CSTF3: variants seen among roughly 807,000 people sequenced by gnomAD.
CSTF3 encodes the protein cleavage stimulation factor subunit 3, also known as CF-1 77 kDa subunit.
In CSTF3, 29 loss-of-function variants were observed where a neutral mutation model predicts 105.8. The observed-to-expected ratio is 0.27, with a 90% CI of 0.20 to 0.37. CSTF3 has a LOEUF of 0.37. Among genes scored for constraint, CSTF3 ranks in the 10% least tolerant of loss-of-function variants. The probability of loss-of-function intolerance (pLI) is 1.00; values close to 1 mark genes in which losing one functional copy is unlikely to be tolerated. For missense variants in CSTF3, 357 were observed against 879.3 expected, an observed-to-expected ratio of 0.41 and a Z score of 7.51; for synonymous variants, 252 against 281.9, an observed-to-expected ratio of 0.89 and a Z score of 1.06.
intron 3 of CSTF3, among the ~76,000 whole-genome samples, chr11:33,119,571 G>C (rs1487105860): frequency 6.6e-6 from 1 of 151,648 alleles, no homozygotes; most frequent in Non-Finnish European, 1.5e-5. Context: ...CACTCCTCTA[G>C]TTTTTACCTA....
At chr11:33,155,267 G>C (rs948821537) in intron 1 of CSTF3, among the ~76,000 whole-genome samples, 23 of 151,938 alleles carry the variant, frequency 1.5e-4, no homozygotes, top group African/African-American at 5.6e-4. Context: ...GGGAGGCTGA[G>C]GTAGGAGAAT....
chr11:33,140,227 A>G (rs1188694539), intron 3 of CSTF3, among the ~76,000 whole-genome samples: 2 of 152,088 alleles, frequency 1.3e-5, no homozygotes, highest in Admixed American at 6.6e-5. Flanking sequence ...AATACAAAGC[A>G]GCACGGGCTT....
At chr11:33,136,484 G>C (rs1390229176) in intron 3 of CSTF3, among the ~76,000 whole-genome samples, 1 of 151,914 alleles carries the variant, frequency 6.6e-6, no homozygotes, top group Non-Finnish European at 1.5e-5. Flanking sequence ...GAAGTGCCTT[G>C]AACCAGACTC....
At chr11:33,156,342 A>G (rs887596424) in intron 1 of CSTF3, among the ~76,000 whole-genome samples, 1 of 152,194 alleles carries the variant, frequency 6.6e-6, no homozygotes, top group Non-Finnish European at 1.5e-5. Context: ...ATGCACCTTG[A>G]CTAAAATTGG....
At chr11:33,160,540 C>G (rs967172422) in intron 1 of CSTF3, among the ~76,000 whole-genome samples, 1 of 152,192 alleles carries the variant, frequency 6.6e-6, no homozygotes, top group Non-Finnish European at 1.5e-5. Context: ...CTTCCTCTTT[C>G]ACACTAAAAG....
intron 1 of CSTF3, among the ~76,000 whole-genome samples, chr11:33,160,947 T>C (rs1849932799): frequency 6.6e-6 from 1 of 152,136 alleles, no homozygotes; most frequent in African/African-American, 2.4e-5. Flanking sequence ...CACTGTCAAG[T>C]TTTTCTAAAA....
intron 17 of CSTF3, among the ~76,000 whole-genome samples, chr11:33,090,252 C>A (rs1414100966): frequency 6.6e-6 from 1 of 152,142 alleles, no homozygotes; most frequent in Non-Finnish European, 1.5e-5. Flanking sequence ...TCCCTCCACA[C>A]TCCCTCCATC....
At chr11:33,115,831 T>C (rs1590271813) in intron 3 of CSTF3, among the ~76,000 whole-genome samples, 2 of 152,074 alleles carry the variant, frequency 1.3e-5, no homozygotes, top group African/African-American at 4.8e-5. Flanking sequence ...TCTCAGCATT[T>C]TGGGAGGCCG....
At chr11:33,086,857 A>C (rs777567566) in intron 18 of CSTF3, 131 bp downstream of exon 18, 29 of 1,029,290 alleles carry the variant, frequency 2.8e-5, no homozygotes, top group South Asian at 4.1e-5. Flanking sequence ...AAGCTAAATC[A>C]CTTGTCATAG....
intron 3 of CSTF3, among the ~76,000 whole-genome samples, chr11:33,121,854 T>C (rs1185545094): frequency 6.6e-6 from 1 of 152,198 alleles, no homozygotes; most frequent in Admixed American, 6.5e-5. Context: ...TGTCCATGAC[T>C]ACTATAACAG....
intron 1 of CSTF3, among the ~76,000 whole-genome samples, chr11:33,159,058 T>G (rs1251142615): frequency 6.6e-6 from 1 of 152,142 alleles, no homozygotes; most frequent in Non-Finnish European, 1.5e-5. Context: ...ACTATTTTCT[T>G]GGGTGGGGAA....
intron 1 of CSTF3, among the ~76,000 whole-genome samples, chr11:33,148,694 CA>C (rs368373668): frequency 2.7e-4 from 37 of 137,572 alleles, no homozygotes; most frequent in East Asian, 4.2e-4. Flanking sequence ...GACTCCATCT[CA>C]AAAAAAAAAA....
At chr11:33,122,122 TTAC>T (rs1419593148) in intron 3 of CSTF3, among the ~76,000 whole-genome samples, 3 of 152,200 alleles carry the variant, frequency 2.0e-5, no homozygotes, top group East Asian at 3.8e-4. Flanking sequence ...AGCTTTCAAA[TTAC>T]TACAATTGAG....
intron 1 of CSTF3, among the ~76,000 whole-genome samples, chr11:33,153,770 G>A (rs1849819948): frequency 6.7e-6 from 1 of 148,290 alleles, no homozygotes; most frequent in African/African-American, 2.5e-5. Context: ...TGATAAATTA[G>A]AAGGGTGTTA....
intron 5 of CSTF3, among the ~76,000 whole-genome samples, chr11:33,107,296 C>T (rs3117656): frequency 0.3 from 45,180 of 151,984 alleles, 7,727 homozygotes; most frequent in Middle Eastern, 0.43. Flanking sequence ...CCAGCCTGTA[C>T]GACAGAGCTG....
chr11:33,150,959 A>G (rs1486661163), intron 1 of CSTF3, among the ~76,000 whole-genome samples: 2 of 152,282 alleles, frequency 1.3e-5, no homozygotes, highest in East Asian at 3.9e-4. Flanking sequence ...CATACATACA[A>G]TTCACCCATC....
intron 3 of CSTF3, among the ~76,000 whole-genome samples, chr11:33,120,807 C>T (rs1257249689): frequency 6.6e-6 from 1 of 151,804 alleles, no homozygotes; most frequent in Non-Finnish European, 1.5e-5. Context: ...ATTATACTGT[C>T]TTAAATATCA....
rs1855176543 is a variant in CSTF3 at position 33,092,211 on chromosome 11, AC to A, written c.1445+59del. 55 of 1,215,616 alleles carry A rather than the reference AC, an allele frequency of 4.5e-5. 2 individuals carry two copies. The South Asian group carries it at 7.8e-4, about 17-fold the overall frequency. 75.3% of individuals were successfully genotyped at this position (1,215,616 alleles called of 1,614,324 possible). A position where few individuals can be genotyped will look rare whatever the true frequency, so the allele number is the denominator to read the frequency against. ...CAAGCAAACATTCACCCCATAGACC[AC>A]AATTCAGGTAAGAAAGCTGTCTTTA... On this transcript the variant is annotated intron_variant, in intron 16 of 20. Transcript: ENST00000323959.
At chr11:33,096,591 G>C (rs7104129) in intron 14 of CSTF3, among the ~76,000 whole-genome samples, 183 bp from the exon 15 acceptor site, 1 of 152,114 alleles carries the variant, frequency 6.6e-6, no homozygotes, top group East Asian at 1.9e-4. Context: ...TAGAAATCAC[G>C]AAATAGTGAT....
Sources: gnomAD v4.1 joint callset for allele counts (sites outside exome capture counted in the v4.1 genomes callset) on GRCh38, gnomAD v4.1.1 for gene constraint, MANE v1.5 for transcripts, NCBI Gene and HGNC (gene_info 2026-07-23, HGNC 2026-07-21) for gene names.